DCLK1: variants seen among roughly 807,000 people sequenced by gnomAD.
The protein encoded by DCLK1 is serine/threonine-protein kinase DCLK1.
In DCLK1, 16 loss-of-function variants were observed where a neutral mutation model predicts 86.2. The ratio of observed to expected loss-of-function variants is 0.19; its 90% CI spans 0.13 to 0.28. The LOEUF (loss-of-function observed/expected upper bound fraction) is 0.28, where lower values mean the gene tolerates loss of function less well. Ranked by LOEUF, DCLK1 falls within the 10% of genes least tolerant of loss-of-function variation. The probability of loss-of-function intolerance (pLI) is 1.00; values close to 1 mark genes in which losing one functional copy is unlikely to be tolerated. For missense variants in DCLK1, 590 were observed against 940.2 expected (o/e 0.63, Z 4.87); for synonymous variants, 369 against 370.5 (o/e 1.00, Z 0.05).
chr13:35,900,405 TA>T (rs201369352), intron 4 of DCLK1, among the ~76,000 whole-genome samples: 2 of 152,064 alleles, frequency 1.3e-5, no homozygotes, highest in Non-Finnish European at 2.9e-5. Flanking sequence ...CACACCCAGC[TA>T]ATTTTTTGTA....
chr13:36,093,873 T>C (rs1884916743), intron 3 of DCLK1, among the ~76,000 whole-genome samples: 1 of 152,212 alleles, frequency 6.6e-6, no homozygotes, highest in Admixed American at 6.5e-5. Context: ...TTACATATTT[T>C]CAGGTAATTT....
chr13:35,982,437 AGGGAGGGAGGGAGGGAGGGAGGGAGG>A (rs1879703119), intron 3 of DCLK1, among the ~76,000 whole-genome samples: 1 of 24,668 alleles, frequency 4.1e-5, no homozygotes, highest in Non-Finnish European at 6.4e-5. Context: ...AGAGAGGGGG[AGGGAGGGAGGGAGGGAGGGAGGGAGG>A]GAGGGAGGGA....
intron 4 of DCLK1, among the ~76,000 whole-genome samples, chr13:35,941,088 T>C (rs780549992): frequency 6.6e-6 from 1 of 152,170 alleles, no homozygotes; most frequent in Non-Finnish European, 1.5e-5. Flanking sequence ...ACACAGAAAG[T>C]AGGACATAGA....
intron 9 of DCLK1, 113 bp downstream of exon 9, chr13:35,828,137 A>G (rs188790852): frequency 1.2e-6 from 1 of 839,492 alleles, no homozygotes; most frequent in Admixed American, 2.1e-5. Context: ...ATAACATTCT[A>G]TTCCACCAAA....
At chr13:35,802,859 G>A (rs551082958) in intron 15 of DCLK1, among the ~76,000 whole-genome samples, 1 of 152,260 alleles carries the variant, frequency 6.6e-6, no homozygotes, top group Non-Finnish European at 1.5e-5. Flanking sequence ...GCATTAACAT[G>A]TGGATCAGTC....
chr13:35,839,053 T>A (rs1400958579), intron 7 of DCLK1, 39 bp downstream of exon 7: 1 of 1,555,350 alleles, frequency 6.4e-7, no homozygotes, highest in African/African-American at 1.4e-5. Flanking sequence ...AGCCAACCCA[T>A]CCTCTGCCTC....
rs1566631670 is a variant in DCLK1 at position 35,982,425 on chromosome 13, AGAGAGAGGGG to A, written c.724-34978_724-34969del. On this transcript the variant is annotated intron_variant, in intron 3 of 16. Coordinates refer to ENST00000360631, the MANE Select transcript of DCLK1 (RefSeq NM_001330071.2). ...AAAAGAAAGGGAGAGAGAGAGAGAG[AGAGAGAGGGG>A]GAGGGAGGGAGGGAGGGAGGGAGGG... Among the ~76,000 whole-genome samples the A allele has an allele frequency of 2.0e-3, 78 of 39,442 alleles. No homozygotes were observed. The South Asian group carries it at 0.026, about 13-fold the overall frequency. The allele number at this position is 39,442 out of a possible 152,430, so 25.9% of individuals were successfully genotyped here.
chr13:35,942,100 C>A (rs1877115420), intron 4 of DCLK1, among the ~76,000 whole-genome samples: 1 of 152,106 alleles, frequency 6.6e-6, no homozygotes, highest in Admixed American at 6.5e-5. Context: ...CTCATTCTAC[C>A]TTTGACCACA....
At chr13:36,005,368 C>T (rs1408366041) in intron 3 of DCLK1, among the ~76,000 whole-genome samples, 1 of 152,156 alleles carries the variant, frequency 6.6e-6, no homozygotes, top group Admixed American at 6.5e-5. Flanking sequence ...AATGATCACT[C>T]ATTATCCCAA....
intron 2 of DCLK1, among the ~76,000 whole-genome samples, chr13:36,124,043 C>A (rs1886082452): frequency 6.6e-6 from 1 of 152,200 alleles, no homozygotes; most frequent in African/African-American, 2.4e-5. Flanking sequence ...ATAGATGCTA[C>A]ACAAGTGACT....
chr13:35,805,943 T>G (rs1408138733), intron 14 of DCLK1, among the ~76,000 whole-genome samples, 164 bp from the exon 15 acceptor site: 1 of 152,218 alleles, frequency 6.6e-6, no homozygotes, highest in Admixed American at 6.5e-5. Context: ...CCTTCAAAAG[T>G]TAAAAATGGT....
At chr13:36,019,545 T>C (rs1031894860) in intron 3 of DCLK1, among the ~76,000 whole-genome samples, 8 of 152,222 alleles carry the variant, frequency 5.3e-5, no homozygotes, top group African/African-American at 1.9e-4. Flanking sequence ...ATGACCTCAC[T>C]TCTTTGTTCA....
intron 15 of DCLK1, among the ~76,000 whole-genome samples, chr13:35,800,051 A>T (rs934691868): frequency 2.6e-5 from 4 of 152,244 alleles, no homozygotes; most frequent in African/African-American, 7.2e-5. Flanking sequence ...TACACATATT[A>T]TCTATCTGGA....
intron 11 of DCLK1, among the ~76,000 whole-genome samples, chr13:35,822,506 T>G (rs957738143): frequency 4.6e-5 from 7 of 152,170 alleles, no homozygotes; most frequent in African/African-American, 1.7e-4. Flanking sequence ...ATTCCCATTC[T>G]TGTGCCTGGT....
chr13:36,089,762 T>C (rs1425087040), intron 3 of DCLK1, among the ~76,000 whole-genome samples: 2 of 152,186 alleles, frequency 1.3e-5, no homozygotes, highest in African/African-American at 4.8e-5. Flanking sequence ...ATATTTCAAA[T>C]ACAAAACAAG....
chr13:36,034,629 T>A (rs954095263), intron 3 of DCLK1, among the ~76,000 whole-genome samples: 4 of 152,126 alleles, frequency 2.6e-5, no homozygotes, highest in Non-Finnish European at 4.4e-5. Flanking sequence ...AGGAAAACCA[T>A]ATGAATTTCA....
Position 35,947,360 on chromosome 13 carries a change from C to G in DCLK1, c.821G>C (p.Ser274Thr). Residue 274 changes from serine to threonine, a missense_variant and splice_region_variant, in exon 4 of 17, where the codon AGT (serine) becomes ACT (threonine). Transcript: ENST00000360631. ...RYQDDFLLDE[S>T]ECRVVKSTSY... is the part of the protein sequence containing the mutation. Reference sequence around the variant, plus strand: ...TTTTGAACTTTTTTTTTCCTTACCACTTTCATCTAGCAAGAAATCATCCTG... The same window carrying G: ...TTTTGAACTTTTTTTTTCCTTACCAGTTTCATCTAGCAAGAAATCATCCTG... 1.2e-6 allele frequency: 2 copies of G among 1,613,366 alleles called. No individual in the cohort carries two copies. The highest frequency in any genetic ancestry group is 1.7e-6 in the Non-Finnish European group (2 of 1,179,556).
chr13:35,814,270 C>A (rs1027139962), intron 11 of DCLK1, among the ~76,000 whole-genome samples: 4 of 152,218 alleles, frequency 2.6e-5, no homozygotes, highest in African/African-American at 9.6e-5. Flanking sequence ...CGCGCGCACA[C>A]ACGCACACAC....
intron 3 of DCLK1, among the ~76,000 whole-genome samples, chr13:36,045,436 A>C (rs1882875381): frequency 7.0e-6 from 1 of 143,882 alleles, no homozygotes; most frequent in Non-Finnish European, 1.5e-5. Flanking sequence ...CAAATGTATA[A>C]ATGTTTTAGA....
Sources: allele counts gnomAD v4.1 joint callset (sites outside exome capture counted in the v4.1 genomes callset), GRCh38; gene constraint gnomAD v4.1.1; transcripts MANE v1.5; gene names NCBI Gene and HGNC (gene_info 2026-07-23, HGNC 2026-07-21).